CPSF7: variants seen among roughly 807,000 people sequenced by gnomAD.
CPSF7 encodes cleavage and polyadenylation specific factor 7.
Under a neutral mutation model 44.3 loss-of-function variants are expected in CPSF7, and 1 was observed. That is an observed-to-expected ratio of 0.02 (90% CI 0.01 to 0.11). The LOEUF is 0.11. Ranked by LOEUF, CPSF7 falls within the 10% of genes least tolerant of loss-of-function variation. The probability of loss-of-function intolerance (pLI) is 1.00; values close to 1 mark genes in which losing one functional copy is unlikely to be tolerated. For missense variants in CPSF7, 443 were observed against 607.2 expected (o/e 0.73, Z 2.84); for synonymous variants, 202 against 222.0 (o/e 0.91, Z 0.80).
At chr11:61,413,073 C>T (rs1859995984) in intron 7 of CPSF7, among the ~76,000 whole-genome samples, 1 of 152,002 alleles carries the variant, frequency 6.6e-6, no homozygotes, top group African/African-American at 2.4e-5. Flanking sequence ...TCCTGCATGC[C>T]ACTTCACCTG....
rs1477854539 is a variant in CPSF7, at chr11:61,411,070, C to T, written c.1262G>A (p.Arg421Gln). Residue 421 changes from arginine to glutamine, a missense_variant, in exon 9 of 10, where the codon CGG becomes CAG. Arg to Gln is a conservative substitution (Grantham distance 43, BLOSUM62 1). Transcript: ENST00000439958. ...GTGCCTCCTGCTGCTCTCCCGGGAC[C>T]GGCTAGGTGACCTTTCCCGGGAGCG... ...RHRSRERSPS[R>Q]SRESSRRHRD... is the part of the protein sequence containing the mutation. 1 of 1,612,548 alleles carries T rather than the reference C, an allele frequency of 6.2e-7. No individual in the cohort carries two copies. Among genetic ancestry groups the T allele is most frequent in the South Asian group, 1.1e-5 (1 of 90,906 alleles).
In CPSF7 at chr11:61,416,370, G is replaced by A. The variant is rs749218250; in HGVS notation, c.673C>T (p.Leu225=). The change falls in exon 6 of 10, where the codon CTG becomes TTG. Residue 225 remains leucine (L), a synonymous_variant. Transcript: ENST00000439958. The stretch of plus-strand genomic sequence containing the variant: ...ATTGGTGGTGGGGGCAGACCCATCA[G>A]GGGAAGGGCCGAAGGAGGACGATTG... ...YFNRPPSALP[L]MGLPPPPIPP... 6.2e-7 allele frequency: 1 copy of A among 1,610,720 alleles called. No homozygotes were observed. Among genetic ancestry groups the A allele is most frequent in the Non-Finnish European group, 8.5e-7 (1 of 1,178,060 alleles).
intron 1 of CPSF7, chr11:61,429,507 C>T (rs1861739441): frequency 7.4e-6 from 4 of 538,250 alleles, no homozygotes; most frequent in Admixed American, 4.0e-5. Flanking sequence ...ACCCGGGTAG[C>T]GCCGCGTCTG....
At chr11:61,420,660 C>G (rs1454966804) in intron 3 of CPSF7, 87 bp from the exon 4 acceptor site, 1 of 983,750 alleles carries the variant, frequency 1.0e-6, no homozygotes, top group African/African-American at 1.6e-5. Flanking sequence ...CTAGTCACAA[C>G]TAAGTCCCCC....
At chr11:61,420,745 C>T (rs1167315779) in intron 3 of CPSF7, 172 bp from the exon 4 acceptor site, 1 of 609,052 alleles carries the variant, frequency 1.6e-6, no homozygotes, top group Non-Finnish European at 2.9e-6. Flanking sequence ...ATACAGAATT[C>T]CAAACCCACT....
rs749653775 is a variant in CPSF7, at chr11:61,421,422, G to T, written c.241C>A (p.Arg81=). 7.4e-6 allele frequency: 12 copies of T among 1,614,002 alleles called. No individual in the cohort carries two copies. The highest frequency in any genetic ancestry group is 9.3e-6 in the Non-Finnish European group (11 of 1,180,020). The change falls in exon 3 of 10, where the codon CGA becomes AGA. Residue 81 remains arginine (R), a synonymous_variant. Coordinates refer to ENST00000439958, the MANE Select transcript of CPSF7 (RefSeq NM_001142565.3). Reference sequence around the variant, plus strand: ...AAGCTGCCCACATAAACGGCAGCTCGTCTATTACGCAGGCCACTGTAGGTA... The same window carrying T: ...AAGCTGCCCACATAAACGGCAGCTCTTCTATTACGCAGGCCACTGTAGGTA... The part of the protein sequence containing the change: ...LYTYSGLRNR[R]AAVYVGSFSW...
At chr11:61,408,256 T>C (rs552118342) in intron 9 of CPSF7, among the ~76,000 whole-genome samples, 1 of 151,798 alleles carries the variant, frequency 6.6e-6, no homozygotes, top group South Asian at 2.1e-4. Context: ...AGAGATGGGG[T>C]TTCACCGTGT....
chr11:61,421,209 CG>C, intron 3 of CPSF7, 180 bp downstream of exon 3: 1 of 1,082,650 alleles, frequency 9.2e-7, no homozygotes, highest in Non-Finnish European at 1.4e-6. Flanking sequence ...TTGCTTTCTT[CG>C]GCACCAGTAC....
At position 61,421,683 on chromosome 11, in the gene CPSF7, G is replaced by C. The variant is rs375528707; in HGVS notation, c.55-75C>G. 1.4e-5 allele frequency: 15 copies of C among 1,070,550 alleles called. No individual in the cohort carries two copies. In the East Asian group the frequency reaches 1.7e-4, roughly 12 times the overall value. The allele number at this position is 1,070,550 out of a possible 1,614,324, so 66.3% of individuals were successfully genotyped here. On this transcript the variant is annotated intron_variant, in intron 2 of 9. Coordinates refer to ENST00000439958, the MANE Select transcript of CPSF7 (RefSeq NM_001142565.3). The stretch of plus-strand genomic sequence containing the variant: ...CATTCTATTTCACTCTAGTTTATTA[G>C]AATCCAGTTAAATACTTGGTAAAAC...
At chr11:61,422,225 A>G (rs1446258550) in intron 2 of CPSF7, among the ~76,000 whole-genome samples, 1 of 152,184 alleles carries the variant, frequency 6.6e-6, no homozygotes, top group Admixed American at 6.5e-5. Context: ...AATAAAAGGG[A>G]AGGGAATAAC....
At chr11:61,422,281 A>G (rs1021702699) in intron 2 of CPSF7, among the ~76,000 whole-genome samples, 1 of 152,082 alleles carries the variant, frequency 6.6e-6, no homozygotes, top group Non-Finnish European at 1.5e-5. Context: ...AATGACATAC[A>G]GGCCCAATGC....
chr11:61,407,921 G>C (rs987080120), intron 9 of CPSF7, among the ~76,000 whole-genome samples: 1 of 152,142 alleles, frequency 6.6e-6, no homozygotes, highest in Non-Finnish European at 1.5e-5. Context: ...GGGGCTCACA[G>C]GTGGTGAGTT....
chr11:61,429,759 G>T (rs1298878712), intron 1 of CPSF7, 155 bp downstream of exon 1: 5 of 1,528,246 alleles, frequency 3.3e-6, no homozygotes, highest in Non-Finnish European at 3.5e-6. Flanking sequence ...CGACAAACCC[G>T]GCCCGGCGCG....
intron 7 of CPSF7, among the ~76,000 whole-genome samples, chr11:61,415,035 A>G (rs1860184798): frequency 6.6e-6 from 1 of 152,154 alleles, no homozygotes; most frequent in Admixed American, 6.6e-5. Context: ...TCAGGAGTTC[A>G]AGACCATCCT....
chr11:61,423,221 G>T (rs1397530552), intron 2 of CPSF7, among the ~76,000 whole-genome samples: 1 of 143,174 alleles, frequency 7.0e-6, no homozygotes, highest in Non-Finnish European at 1.5e-5. Context: ...TGCCCAGGCT[G>T]GAGTGCAGTG....
chr11:61,420,099 G>A lies in CPSF7; in HGVS notation c.378-5C>T. ...GCTACCACCACCTCAGCATACCTTA[G>A]GAAAGAAAAATTAAAAATGAATGAA... On this transcript the variant is annotated splice_polypyrimidine_tract_variant and splice_region_variant and intron_variant, in intron 4 of 9. Transcript: ENST00000439958. The A allele has an allele frequency of 6.3e-7, 1 of 1,588,940 alleles. No homozygotes were observed. Among genetic ancestry groups the A allele is most frequent in the East Asian group, 2.3e-5 (1 of 44,410 alleles).
At chr11:61,420,658 A>T in intron 3 of CPSF7, 85 bp from the exon 4 acceptor site, 2 of 1,007,410 alleles carry the variant, frequency 2.0e-6, no homozygotes, top group Non-Finnish European at 3.1e-6. Context: ...TTCTAGTCAC[A>T]ACTAAGTCCC....
At chr11:61,426,208 T>G (rs780848974) in intron 2 of CPSF7, among the ~76,000 whole-genome samples, 2 of 152,270 alleles carry the variant, frequency 1.3e-5, no homozygotes, top group Non-Finnish European at 2.9e-5. Context: ...AAGGGCTTCC[T>G]GTGCATGGGC....
intron 7 of CPSF7, among the ~76,000 whole-genome samples, chr11:61,413,633 CAAA>C (rs1192019975): frequency 5.8e-5 from 5 of 85,870 alleles, no homozygotes; most frequent in African/African-American, 1.6e-4. Context: ...GACTTCGTCT[CAAA>C]AAAAAAAAAA....
Sources: allele counts gnomAD v4.1 joint callset (sites outside exome capture counted in the v4.1 genomes callset), GRCh38; gene constraint gnomAD v4.1.1; transcripts MANE v1.5; gene names NCBI Gene and HGNC (gene_info 2026-07-23, HGNC 2026-07-21).